ASH1L: variants seen among roughly 807,000 people sequenced by gnomAD.
ASH1L encodes ASH1 like histone lysine methyltransferase.
ASH1L carries 23 observed loss-of-function variants against 269.0 expected under a neutral mutation model. The ratio of observed to expected loss-of-function variants is 0.09; its 90% confidence interval spans 0.06 to 0.12. ASH1L has a LOEUF of 0.12. ASH1L is among the 10% of genes least tolerant of loss of function. The pLI is 1.00. For synonymous variants in ASH1L, 1,187 were observed against 1,253.5 expected (o/e 0.95, Z 1.12); for missense variants, 2,912 against 3,567.8 (o/e 0.82, Z 4.68).
chr1:155,430,803 T>C (rs1000380166), intron 5 of ASH1L, among the ~76,000 whole-genome samples: 2 of 152,168 alleles, frequency 1.3e-5, no homozygotes, highest in Non-Finnish European at 2.9e-5. Context: ...CATAAAATTG[T>C]TTTTAGAAAT....
At chr1:155,528,738 G>A (rs1669443236) in intron 1 of ASH1L, among the ~76,000 whole-genome samples, 1 of 152,046 alleles carries the variant, frequency 6.6e-6, no homozygotes. Flanking sequence ...AAGTTCAGGG[G>A]TACATGTGCA....
intron 5 of ASH1L, among the ~76,000 whole-genome samples, chr1:155,428,143 G>A (rs1558093250): frequency 6.6e-6 from 1 of 152,116 alleles, no homozygotes; most frequent in African/African-American, 2.4e-5. Context: ...GAACAAATTA[G>A]TATAATGCCT....
intron 10 of ASH1L, among the ~76,000 whole-genome samples, chr1:155,376,070 C>T (rs1038165157): frequency 6.6e-6 from 1 of 152,234 alleles, no homozygotes; most frequent in Non-Finnish European, 1.5e-5. Context: ...CGACACTGCA[C>T]TCCAGCCTGG....
intron 5 of ASH1L, among the ~76,000 whole-genome samples, chr1:155,436,070 A>C (rs1662062454): frequency 1.3e-5 from 2 of 152,202 alleles, no homozygotes; most frequent in Non-Finnish European, 2.9e-5. Context: ...ATAAATAAAA[A>C]TAAGAATGGT....
intron 2 of ASH1L, among the ~76,000 whole-genome samples, chr1:155,513,570 T>C (rs560931071): frequency 8.1e-6 from 1 of 123,930 alleles, no homozygotes; most frequent in South Asian, 2.4e-4. Flanking sequence ...AGATCCTGTA[T>C]CAAAAAAAAA....
intron 4 of ASH1L, among the ~76,000 whole-genome samples, chr1:155,452,318 C>T (rs1057338271): frequency 3.9e-5 from 6 of 151,988 alleles, no homozygotes; most frequent in African/African-American, 9.7e-5. Context: ...GGATTACAGG[C>T]GTGACCGACT....
rs767256816 is a variant in ASH1L at position 155,479,836 on chromosome 1, C to T, written c.3034G>A (p.Gly1012Arg). The change falls in exon 3 of 28, where the codon GGG becomes AGG. Residue 1012 changes from glycine (G) to arginine (R), a missense_variant. Coordinates refer to ENST00000392403, the MANE Select transcript of ASH1L (RefSeq NM_018489.3). ...TTATGGAGTTTGGATTGCACTTTCC[C>T]TTTATTACTTGATTCTACAGAACTT... ...LSSSVESSNK[G>R]KVQSKLHNTV... 1.2e-6 allele frequency: 2 copies of T among 1,613,968 alleles called. No homozygotes were observed. The highest frequency in any genetic ancestry group is 4.5e-5 in the East Asian group (2 of 44,884).
chr1:155,525,528 T>A (rs1669191673), intron 1 of ASH1L, among the ~76,000 whole-genome samples: 1 of 149,306 alleles, frequency 6.7e-6, no homozygotes, highest in Admixed American at 6.7e-5. Flanking sequence ...CCAATCTACA[T>A]TTCTAAAAGC....
At chr1:155,513,946 C>A (rs780293103) in intron 2 of ASH1L, among the ~76,000 whole-genome samples, 1 of 152,148 alleles carries the variant, frequency 6.6e-6, no homozygotes, top group African/African-American at 2.4e-5. Context: ...TATATACATA[C>A]ACTGGAATAT....
At chr1:155,505,089 TTTTG>T in intron 2 of ASH1L, among the ~76,000 whole-genome samples, 1 of 152,266 alleles carries the variant, frequency 6.6e-6, no homozygotes, top group East Asian at 1.9e-4. Context: ...ATGCAATTCT[TTTTG>T]TTTTTTTCCA....
intron 6 of ASH1L, among the ~76,000 whole-genome samples, chr1:155,397,129 A>AGG (rs1658421679): frequency 6.6e-6 from 1 of 150,920 alleles, no homozygotes; most frequent in African/African-American, 2.5e-5. Flanking sequence ...TCTGTCAAAA[A>AGG]AAGAAAAAAA....
At chr1:155,494,243 C>G (rs998235440) in intron 2 of ASH1L, among the ~76,000 whole-genome samples, 1 of 152,122 alleles carries the variant, frequency 6.6e-6, no homozygotes, top group Non-Finnish European at 1.5e-5. Flanking sequence ...AAGCAAAGGC[C>G]CTGAGCCAGG....
At chr1:155,513,654 C>A (rs1044770749) in intron 2 of ASH1L, among the ~76,000 whole-genome samples, 1 of 151,360 alleles carries the variant, frequency 6.6e-6, no homozygotes, top group South Asian at 2.1e-4. Flanking sequence ...AATTGCAATA[C>A]GACCAAAAAT....
intron 1 of ASH1L, among the ~76,000 whole-genome samples, chr1:155,536,638 C>T (rs146539942): frequency 1.4e-4 from 21 of 152,200 alleles, no homozygotes; most frequent in Admixed American, 5.2e-4. Flanking sequence ...GAGGCTAATC[C>T]AGGATGACTG....
intron 4 of ASH1L, among the ~76,000 whole-genome samples, chr1:155,442,377 G>A (rs866289242): frequency 1.3e-5 from 2 of 151,806 alleles, no homozygotes; most frequent in Admixed American, 6.6e-5. Flanking sequence ...CAGGTCAGGA[G>A]TTTGAAACCA....
At position 155,438,571 on chromosome 1, in the gene ASH1L, C is replaced by T. The variant is rs754662724; in HGVS notation, c.5584G>A (p.Val1862Ile). The change falls in exon 5 of 28, where the codon GTA (valine) becomes ATA (isoleucine). Residue 1862 changes from valine to isoleucine, a missense_variant. By Grantham distance (29) the Val-to-Ile change is conservative (BLOSUM62 3). Around this residue, in one of 13 missense-constraint regions of ASH1L, gnomAD observed 789 missense variants for 897.6 expected, o/e 0.88. Coordinates refer to ENST00000392403, the MANE Select transcript of ASH1L (RefSeq NM_018489.3). ...GCAGCCTGGAATGCTTGCATTGATA[C>T]GACAGCCTGAAGGGGACATTTCCGA... ...RPRKCPLQAV[V>I]SMQAFQAAQF... is the part of the protein sequence containing the mutation. 9.3e-6 allele frequency: 15 copies of T among 1,613,910 alleles called. No individual in the cohort carries two copies. Among genetic ancestry groups the T allele is most frequent in the Admixed American group, 8.3e-5 (5 of 59,974 alleles).
chr1:155,506,284 T>C (rs1204400424), intron 2 of ASH1L, among the ~76,000 whole-genome samples: 1 of 152,224 alleles, frequency 6.6e-6, no homozygotes, highest in Non-Finnish European at 1.5e-5. Flanking sequence ...CCAATTTTTT[T>C]CCAACAACTC....
chr1:155,417,962 A>C (rs1231390576), intron 5 of ASH1L, among the ~76,000 whole-genome samples: 1 of 152,078 alleles, frequency 6.6e-6, no homozygotes, highest in Non-Finnish European at 1.5e-5. Flanking sequence ...CCGTCTCAAA[A>C]AAAAAAAAAA....
At chr1:155,484,241 C>T (rs530235671) in intron 2 of ASH1L, among the ~76,000 whole-genome samples, 2 of 152,300 alleles carry the variant, frequency 1.3e-5, no homozygotes, top group East Asian at 3.9e-4. Context: ...GTAATCCCAG[C>T]ACTTTGGGAG....
Sources: allele counts gnomAD v4.1 joint callset (sites outside exome capture counted in the v4.1 genomes callset), GRCh38; gene constraint gnomAD v4.1.1; regional missense constraint gnomAD v4.1.1; transcripts MANE v1.5; gene names NCBI Gene and HGNC (gene_info 2026-07-23, HGNC 2026-07-21).